KCNIP1: variants seen among roughly 807,000 people sequenced by gnomAD.
KCNIP1 encodes A-type potassium channel modulatory protein KCNIP1.
A neutral mutation model predicts 33.0 loss-of-function variants in KCNIP1; 18 were observed. The observed-to-expected ratio is 0.55, with a 90% CI of 0.38 to 0.81. The LOEUF (loss-of-function observed/expected upper bound fraction) is 0.81. Ranked by LOEUF, KCNIP1 falls within the 30% of genes least tolerant of loss-of-function variation. The pLI is 0.00. For synonymous variants in KCNIP1, 93 were observed against 98.3 expected (o/e 0.95, Z 0.32); for missense variants, 238 against 271.6 (o/e 0.88, Z 0.87).
chr5:170,428,860 GTC>G (rs1229911985), intron 1 of KCNIP1, among the ~76,000 whole-genome samples: 2 of 152,144 alleles, frequency 1.3e-5, no homozygotes, highest in African/African-American at 4.8e-5. Context: ...GGGTTTGACA[GTC>G]TGCTGTGAGG....
chr5:170,675,176 G>A (rs972439731), intron 1 of KCNIP1, among the ~76,000 whole-genome samples: 1 of 151,882 alleles, frequency 6.6e-6, no homozygotes, highest in African/African-American at 2.4e-5. Flanking sequence ...GCCTGCACCT[G>A]TAATTCCAGC....
At chr5:170,466,413 T>A (rs182094581) in intron 1 of KCNIP1, among the ~76,000 whole-genome samples, 2 of 152,152 alleles carry the variant, frequency 1.3e-5, no homozygotes, top group African/African-American at 4.8e-5. Context: ...CTAGCAGTCA[T>A]CTGCAAAGAG....
chr5:170,637,374 C>T (rs894198496), intron 1 of KCNIP1, among the ~76,000 whole-genome samples: 4 of 152,176 alleles, frequency 2.6e-5, no homozygotes, highest in Non-Finnish European at 5.9e-5. Flanking sequence ...CTGGCCCCCA[C>T]TCTTTGAGTC....
intron 1 of KCNIP1, among the ~76,000 whole-genome samples, chr5:170,539,628 T>C (rs925407886): frequency 2.6e-5 from 4 of 152,170 alleles, no homozygotes; most frequent in Admixed American, 2.6e-4. Flanking sequence ...CTAAAGTATC[T>C]TGTGAACGTG....
At chr5:170,363,824 C>T (rs183259516) in intron 1 of KCNIP1, among the ~76,000 whole-genome samples, 1 of 152,058 alleles carries the variant, frequency 6.6e-6, no homozygotes, top group Non-Finnish European at 1.5e-5. Context: ...TTTTTCTTCT[C>T]GCAAAACTGA....
chr5:170,735,723 C>T (rs955227434), intron 7 of KCNIP1, 36 bp from the exon 8 acceptor site: 20 of 1,592,276 alleles, frequency 1.3e-5, no homozygotes, highest in Admixed American at 1.7e-5. Context: ...GGAGGAGACT[C>T]AGAGTTCTAA....
At chr5:170,667,430 A>T (rs1395655561) in intron 1 of KCNIP1, among the ~76,000 whole-genome samples, 1 of 152,210 alleles carries the variant, frequency 6.6e-6, no homozygotes, top group East Asian at 1.9e-4. Context: ...GGCCCCTGGG[A>T]GGGATGAATT....
intron 1 of KCNIP1, among the ~76,000 whole-genome samples, chr5:170,565,764 C>G (rs1457229246): frequency 6.6e-6 from 1 of 152,174 alleles, no homozygotes; most frequent in African/African-American, 2.4e-5. Context: ...TTCTTGACCT[C>G]AGTTATTCAT....
At chr5:170,403,366 A>G (rs1561608260) in intron 1 of KCNIP1, among the ~76,000 whole-genome samples, 1 of 152,258 alleles carries the variant, frequency 6.6e-6, no homozygotes, top group African/African-American at 2.4e-5. Context: ...AATTGTGAAC[A>G]TGATCTTCTT....
At chr5:170,662,979 C>A (rs1761557187) in intron 1 of KCNIP1, among the ~76,000 whole-genome samples, 1 of 152,210 alleles carries the variant, frequency 6.6e-6, no homozygotes, top group Admixed American at 6.5e-5. Flanking sequence ...GTGCTCTTCT[C>A]TTTTTCTTGG....
intron 1 of KCNIP1, among the ~76,000 whole-genome samples, chr5:170,541,439 C>T (rs993364459): frequency 3.9e-5 from 6 of 152,240 alleles, no homozygotes; most frequent in African/African-American, 1.4e-4. Flanking sequence ...CTACCAGCTC[C>T]ATTAATCCCA....
chr5:170,530,056 C>T (rs988283617), intron 1 of KCNIP1, among the ~76,000 whole-genome samples: 18 of 152,226 alleles, frequency 1.2e-4, no homozygotes, highest in Admixed American at 9.8e-4. Flanking sequence ...GGTCACCATG[C>T]CACTGCTGAC....
Position 170,735,828 on chromosome 5 carries a change from G to A in KCNIP1, c.*22G>A. The A allele has an allele frequency of 1.2e-6, 2 of 1,608,502 alleles. No individual in the cohort carries two copies. Among genetic ancestry groups the A allele is most frequent in the African/African-American group, 1.3e-5 (1 of 74,924 alleles). On this transcript the variant is annotated 3_prime_UTR_variant, in exon 8 of 8. Transcript: ENST00000328939. The stretch of plus-strand genomic sequence containing the variant: ...GTAACTGGTGACACTCAGCCATTCA[G>A]CTCTCAGAGACATTGTACTAAACAA...
At chr5:170,558,324 G>C (rs918549339) in intron 1 of KCNIP1, among the ~76,000 whole-genome samples, 1 of 152,198 alleles carries the variant, frequency 6.6e-6, no homozygotes, top group Non-Finnish European at 1.5e-5. Flanking sequence ...GATGGCTTGA[G>C]CCCAAAAGTT....
chr5:170,390,502 C>CAAAAAAAAAAAA (rs1296285736), intron 1 of KCNIP1, among the ~76,000 whole-genome samples: 2 of 35,790 alleles, frequency 5.6e-5, no homozygotes, highest in African/African-American at 3.4e-4. Context: ...GACCCCGTCT[C>CAAAAAAAAAAAA]AAAAAAAAAA....
At chr5:170,584,202 G>A (rs1757899571) in intron 1 of KCNIP1, among the ~76,000 whole-genome samples, 2 of 152,216 alleles carry the variant, frequency 1.3e-5, no homozygotes, top group Non-Finnish European at 1.5e-5. Flanking sequence ...TCTGCCATGG[G>A]CACTGGACCT....
chr5:170,594,084 C>T (rs1341464412), intron 1 of KCNIP1, among the ~76,000 whole-genome samples: 1 of 152,210 alleles, frequency 6.6e-6, no homozygotes, highest in Non-Finnish European at 1.5e-5. Context: ...TGTTATGGGA[C>T]TCAAGTCTTC....
At chr5:170,429,387 A>ATG (rs1465551154) in intron 1 of KCNIP1, among the ~76,000 whole-genome samples, 1 of 111,740 alleles carries the variant, frequency 8.9e-6, no homozygotes, top group East Asian at 2.2e-4. Flanking sequence ...CTACATATAT[A>ATG]TGTATATATA....
At position 170,565,153 on chromosome 5, in the gene KCNIP1, T is replaced by C. The variant is rs115064059; in HGVS notation, c.61+60520T>C. ...TGAGAAAATTAACATTCAGGACACG[T>C]TCTGCTCCCTTCTGATTCCCACAGA... is the stretch of plus-strand genomic sequence containing the variant. On this transcript the variant is annotated intron_variant, in intron 1 of 7. Transcript: ENST00000328939. Among the ~76,000 whole-genome samples, 524 of 152,220 alleles carry C rather than the reference T, an allele frequency of 3.4e-3. 3 individuals carry two copies. The highest frequency in any genetic ancestry group is 0.012 in the African/African-American group (505 of 41,522).
Sources: allele counts gnomAD v4.1 joint callset (sites outside exome capture counted in the v4.1 genomes callset), GRCh38; gene constraint gnomAD v4.1.1; transcripts MANE v1.5; gene names NCBI Gene and HGNC (gene_info 2026-07-23, HGNC 2026-07-21).